Variants in PRKAG2 observed in about 807,000 individuals in gnomAD.
PRKAG2 encodes the protein 5'-AMP-activated protein kinase subunit gamma-2.
In PRKAG2, 26 loss-of-function variants were observed where a neutral mutation model predicts 69.6. The ratio of observed to expected loss-of-function variants is 0.37; its 90% CI spans 0.27 to 0.52. The LOEUF is 0.52. PRKAG2 is among the 20% of genes least tolerant of loss of function. The pLI is 0.90. For synonymous variants in PRKAG2, 293 were observed against 285.0 expected (o/e 1.03, Z -0.28); for missense variants, 557 against 740.0 (o/e 0.75, Z 2.87).
In PRKAG2 at chr7:151,807,401, G is replaced by A. The variant is rs2078167537; in HGVS notation, c.115-20860C>T. ...AGTGGAATTTTCAGGAAGCAGCTGT[G>A]CTGTGGGTGACGGTCATACTTTATT... On this transcript the variant is annotated intron_variant, in intron 1 of 15. Coordinates refer to ENST00000287878, the MANE Select transcript of PRKAG2 (RefSeq NM_016203.4). This position sits in a 1 kb window ranked among gnomAD's most constrained non-coding sequence, Gnocchi z 4.4. The A allele has an allele frequency of 2.2e-6, 1 of 457,542 alleles. No individual in the cohort carries two copies. The highest frequency in any genetic ancestry group is 7.0e-5 in the East Asian group (1 of 14,378). 28.3% of individuals were successfully genotyped at this position (457,542 alleles called of 1,614,324 possible).
At chr7:151,759,431 C>T (rs544799539) in intron 3 of PRKAG2, among the ~76,000 whole-genome samples, 46 of 152,202 alleles carry the variant, frequency 3.0e-4, no homozygotes, top group Non-Finnish European at 5.4e-4. Flanking sequence ...GGTATCCCCA[C>T]GAGGGCAGGG....
chr7:151,723,578 T>C (rs1246497517), intron 3 of PRKAG2, among the ~76,000 whole-genome samples: 1 of 152,210 alleles, frequency 6.6e-6, no homozygotes, highest in Non-Finnish European at 1.5e-5. Context: ...CGCACCTGCC[T>C]TGCCTTTGGT....
chr7:151,611,802 C>T (rs1262733740), intron 5 of PRKAG2, among the ~76,000 whole-genome samples: 2 of 152,054 alleles, frequency 1.3e-5, no homozygotes, highest in South Asian at 4.1e-4. Flanking sequence ...ACCTGTAATC[C>T]CAGCACTTTG....
At chr7:151,558,764 G>A (rs866457962) in intron 15 of PRKAG2, 6 of 985,232 alleles carry the variant, frequency 6.1e-6, no homozygotes, top group Middle Eastern at 5.2e-4. Flanking sequence ...AATTCCAGCT[G>A]GAAATAGATT....
intron 1 of PRKAG2, among the ~76,000 whole-genome samples, chr7:151,801,780 C>CA (rs1240258782): frequency 3.3e-5 from 5 of 152,178 alleles, no homozygotes; most frequent in African/African-American, 1.2e-4. Flanking sequence ...GAGAGACTTC[C>CA]AGATCAGCTG....
intron 8 of PRKAG2, among the ~76,000 whole-genome samples, chr7:151,573,955 T>G (rs1243534888): frequency 6.6e-6 from 1 of 152,088 alleles, no homozygotes; most frequent in Non-Finnish European, 1.5e-5. Context: ...ATTTTTGTAT[T>G]TTTAGTAGAG....
intron 3 of PRKAG2, among the ~76,000 whole-genome samples, chr7:151,702,307 A>C (rs1837848453): frequency 6.6e-6 from 1 of 152,150 alleles, no homozygotes; most frequent in South Asian, 2.1e-4. Flanking sequence ...CAAAAGAGAG[A>C]GGAGGCCTCA....
rs182123410 is a variant in PRKAG2 at position 151,733,634 on chromosome 7, T to C, written c.466+47518A>G. On this transcript the variant is annotated intron_variant, in intron 3 of 15. Transcript: ENST00000287878. ...CATCTTTTTAGACCGTGTTAGTGAGTCTCCCGTCTAGGATTCCATCCCTCC... is the reference window on the plus strand; with the variant it reads ...CATCTTTTTAGACCGTGTTAGTGAGCCTCCCGTCTAGGATTCCATCCCTCC... Among the ~76,000 whole-genome samples, 3 of 152,166 alleles carry C rather than the reference T, an allele frequency of 2.0e-5. No individual in the cohort carries two copies. The East Asian group carries it at 5.8e-4, about 29-fold the overall frequency.
At chr7:151,661,569 T>TA (rs869042337) in intron 4 of PRKAG2, among the ~76,000 whole-genome samples, 7 of 152,090 alleles carry the variant, frequency 4.6e-5, no homozygotes, top group Non-Finnish European at 7.4e-5. Context: ...TTCCATTTTT[T>TA]AAAAAAATAA....
rs565289087 is a variant in PRKAG2, at chr7:151,748,200, C to T, written c.466+32952G>A. On this transcript the variant is annotated intron_variant, in intron 3 of 15. Coordinates refer to ENST00000287878, the MANE Select transcript of PRKAG2 (RefSeq NM_016203.4). ...CCTCCCTAAGTGCTGGGATTACAGG[C>T]GTGAGTCACTGTAACCAGCCAAAAA... 3.9e-5 allele frequency among the ~76,000 whole-genome samples: 6 copies of T among 152,106 alleles called. No individual in the cohort carries two copies. In the South Asian group the frequency reaches 6.2e-4, roughly 16 times the overall value.
chr7:151,781,542 A>C lies in PRKAG2; in HGVS notation c.187-111T>G. On this transcript the variant is annotated intron_variant, in intron 2 of 15. Coordinates refer to ENST00000287878, the MANE Select transcript of PRKAG2 (RefSeq NM_016203.4). The surrounding 1 kb of genome is among the most constrained non-coding windows in gnomAD (Gnocchi z 6.1). ...CTCTCACATGCGGGCCCCCCATAGT[A>C]CCCTCCCAGAGAAACAGCCCTAAGC... The C allele has an allele frequency of 7.6e-7, 1 of 1,324,344 alleles. No homozygotes were observed. The allele number at this position is 1,324,344 out of a possible 1,614,324, so 82.0% of individuals were successfully genotyped here. A position where few individuals can be genotyped will look rare whatever the true frequency, so the allele number is the denominator to read the frequency against.
intron 3 of PRKAG2, among the ~76,000 whole-genome samples, chr7:151,717,171 C>T (rs186773584): frequency 7.3e-5 from 11 of 151,134 alleles, no homozygotes; most frequent in Non-Finnish European, 1.0e-4. Flanking sequence ...TGCTTAAGCC[C>T]GGGAGGTGGA....
rs2077141031 is a variant in PRKAG2 at position 151,788,921 on chromosome 7, A to G, written c.115-2380T>C. On this transcript the variant is annotated intron_variant, in intron 1 of 15. Coordinates refer to ENST00000287878, the MANE Select transcript of PRKAG2 (RefSeq NM_016203.4). This position sits in a 1 kb window ranked among gnomAD's most constrained non-coding sequence, Gnocchi z 4.6. ...GAAAAGATGGTCCTTTCCCAGTTGA[A>G]TAGTCTTGGCATGACTGTGGAACGT... Among the ~76,000 whole-genome samples, 2 of 152,184 alleles carry G rather than the reference A, an allele frequency of 1.3e-5. No homozygotes were observed. Among genetic ancestry groups the G allele is most frequent in the Admixed American group, 6.5e-5 (1 of 15,282 alleles).
chr7:151,819,817 G>A (rs1037819750), intron 1 of PRKAG2, among the ~76,000 whole-genome samples: 1 of 152,218 alleles, frequency 6.6e-6, no homozygotes, highest in African/African-American at 2.4e-5. Context: ...CCAAAGAAGT[G>A]CCGTGTGTAC....
chr7:151,678,061 G>C (rs1833237444), intron 3 of PRKAG2, among the ~76,000 whole-genome samples: 1 of 152,086 alleles, frequency 6.6e-6, no homozygotes. Context: ...CATCTCTGCT[G>C]GGTTCCTCCT....
intron 2 of PRKAG2, among the ~76,000 whole-genome samples, chr7:151,785,428 G>A (rs1222034108): frequency 6.6e-6 from 1 of 152,230 alleles, no homozygotes; most frequent in African/African-American, 2.4e-5. Flanking sequence ...CCATTCCCTG[G>A]CAGTCTTTGC....
At chr7:151,622,866 A>T (rs1821863181) in intron 5 of PRKAG2, among the ~76,000 whole-genome samples, 1 of 152,140 alleles carries the variant, frequency 6.6e-6, no homozygotes, top group Non-Finnish European at 1.5e-5. Context: ...TCATCATCGC[A>T]GTTACTGCTG....
rs183710070 is a variant in PRKAG2, at chr7:151,865,741, C to A, written c.114+10766G>T. On this transcript the variant is annotated intron_variant, in intron 1 of 15. Coordinates refer to ENST00000287878, the MANE Select transcript of PRKAG2 (RefSeq NM_016203.4). The stretch of plus-strand genomic sequence containing the variant: ...GAACCTATGAAAGTGGAGAAGAGGC[C>A]GGGCGCAGTGGCTCACGCCTGTAAT... Among the ~76,000 whole-genome samples the A allele has an allele frequency of 1.3e-3, 202 of 152,236 alleles. 1 individual carries two copies. The highest frequency in any genetic ancestry group is 2.2e-4 in the Non-Finnish European group (15 of 68,008).
chr7:151,602,616 A>G (rs1344353833), intron 5 of PRKAG2, among the ~76,000 whole-genome samples: 1 of 152,194 alleles, frequency 6.6e-6, no homozygotes, highest in Non-Finnish European at 1.5e-5. Flanking sequence ...GCAAAGCTGG[A>G]ACAGTTCCTA....
Sources: gnomAD v4.1 joint callset for allele counts (sites outside exome capture counted in the v4.1 genomes callset) on GRCh38, gnomAD v4.1.1 for gene constraint, Gnocchi (gnomAD v3.1) non-coding constraint, MANE v1.5 for transcripts, NCBI Gene and HGNC (gene_info 2026-07-23, HGNC 2026-07-21) for gene names.